The following SIPA1 variants were observed in gnomAD, a reference collection of about 807,000 sequenced individuals.
SIPA1 encodes the protein signal-induced proliferation-associated protein 1.
SIPA1 carries 51 observed loss-of-function variants against 88.1 expected under a neutral mutation model. The observed-to-expected ratio is 0.58, with a 90% confidence interval of 0.46 to 0.73. The LOEUF is 0.73. Ranked by LOEUF, SIPA1 falls within the 30% of genes least tolerant of loss-of-function variation. The pLI is 0.00. For missense variants in SIPA1, 1,348 were observed against 1,467.6 expected (o/e 0.92, Z 1.33); for synonymous variants, 681 against 664.8 (o/e 1.02, Z -0.37).
chr11:65,645,241 C>T (rs1330634186), intron 5 of SIPA1, 112 bp downstream of exon 5: 1 of 1,096,460 alleles, frequency 9.1e-7, no homozygotes, highest in South Asian at 1.5e-5. Context: ...CTGGAGAGTT[C>T]TTTGGGTGAG....
rs1856075629 is a variant in SIPA1 at position 65,644,824 on chromosome 11, C to T, written c.985-131C>T. On this transcript the variant is annotated intron_variant, in intron 4 of 15. Coordinates refer to ENST00000534313, the MANE Select transcript of SIPA1 (RefSeq NM_006747.4). ...AGCACAACAGACTGTACTCACCTGA[C>T]AGGCAAGGGCACAAGTGGCTCAGAG... is the stretch of plus-strand genomic sequence containing the variant. The T allele has an allele frequency of 4.6e-6, 4 of 872,340 alleles. No individual in the cohort carries two copies. In the Admixed American group the frequency reaches 9.8e-5, roughly 21 times the overall value. 54.0% of individuals were successfully genotyped at this position (872,340 alleles called of 1,614,324 possible). A position where few individuals can be genotyped will look rare whatever the true frequency, so the allele number is the denominator to read the frequency against.
In SIPA1 at chr11:65,645,694, C is replaced by G. The variant is rs895116429; in HGVS notation, c.1160-160C>G. 8 of 570,684 alleles carry G rather than the reference C, an allele frequency of 1.4e-5. No individual in the cohort carries two copies. In the East Asian group the frequency reaches 2.3e-4, roughly 16 times the overall value. The allele number at this position is 570,684 out of a possible 1,614,324, so 35.4% of individuals were successfully genotyped here. ...GGAGGAGGGGCACCCAGGGCTGAGG[C>G]CCTTGAATCTCGCTGGCTGGGCATT... On this transcript the variant is annotated intron_variant, in intron 5 of 15. Transcript: ENST00000534313.
chr11:65,643,881 T>C (rs1411479245), intron 4 of SIPA1, among the ~76,000 whole-genome samples: 2 of 151,966 alleles, frequency 1.3e-5, no homozygotes, highest in African/African-American at 4.8e-5. Context: ...AGGGATACGG[T>C]GCAGATCTGA....
rs1856129192 is a variant in SIPA1, at chr11:65,646,802, G to T, written c.1768G>T (p.Gly590Trp). Residue 590 changes from glycine to tryptophan, a missense_variant, in exon 8 of 16, where the codon GGG becomes TGG. Gly to Trp is a radical substitution (Grantham distance 184, BLOSUM62 -2). Around this residue, in one of 4 missense-constraint regions of SIPA1, gnomAD observed 68 missense variants for 59.0 expected, o/e 1.15. Transcript: ENST00000534313. This position sits in a 1 kb window ranked among gnomAD's most constrained non-coding sequence, Gnocchi z 7.5. ...SLVWGVRAAP[G>W]ARVAAGAQAS... ...GGTGTGGGGAGTGCGCGCGGCGCCC[G>T]GGGCGCGGGTCGCCGCCGGGGCTCA... 2 of 1,285,836 alleles carry T rather than the reference G, an allele frequency of 1.6e-6. No homozygotes were observed. The highest frequency in any genetic ancestry group is 4.3e-5 in the Admixed American group (1 of 23,180). 79.7% of individuals were successfully genotyped at this position (1,285,836 alleles called of 1,614,324 possible). A position where few individuals can be genotyped will look rare whatever the true frequency, so the allele number is the denominator to read the frequency against.
chr11:65,641,567 G>T lies in SIPA1; in HGVS notation c.646G>T (p.Ala216Ser), dbSNP rs149063652. The change falls in exon 2 of 16, where the codon GCT becomes TCT. Residue 216 changes from alanine (A) to serine (S), a missense_variant. By Grantham distance (99) the Ala-to-Ser change is moderately conservative. Transcript: ENST00000534313. The part of the protein sequence containing the change: ...AYSLEHADLG[A>S]GYYRKYFYGK... ...CAGCCTGGAGCACGCAGACCTGGGT[G>T]CTGGCTACTACCGCAAATACTTCTA... is the stretch of plus-strand genomic sequence containing the variant. The T allele has an allele frequency of 3.8e-5, 62 of 1,611,390 alleles. No homozygotes were observed. The African/African-American group carries it at 7.5e-4, about 19-fold the overall frequency.
chr11:65,642,580 C>T lies in SIPA1; in HGVS notation c.925C>T (p.Arg309Cys). ...VAPQLSPSCL[R>C]LGSASPKVPR... The stretch of plus-strand genomic sequence containing the variant: ...GCCGCAGCTGAGCCCCAGCTGCCTG[C>T]GCCTGGGCTCAGCTTCACCCAAGGT... The change falls in exon 4 of 16, where the codon CGC (arginine) becomes TGC (cysteine). Residue 309 changes from arginine to cysteine, a missense_variant. Transcript: ENST00000534313. The surrounding 1 kb of genome is among the most constrained non-coding windows in gnomAD (Gnocchi z 6.5). 6.3e-7 allele frequency: 1 copy of T among 1,597,440 alleles called. No homozygotes were observed. The highest frequency in any genetic ancestry group is 8.5e-7 in the Non-Finnish European group (1 of 1,176,906).
chr11:65,641,110 C>T lies in SIPA1; in HGVS notation c.189C>T (p.Pro63=). The T allele has an allele frequency of 6.2e-7, 1 of 1,601,188 alleles. No homozygotes were observed. The highest frequency in any genetic ancestry group is 8.5e-7 in the Non-Finnish European group (1 of 1,178,732). Residue 63 remains proline, a synonymous_variant, in exon 2 of 16, where the codon CCC becomes CCT. Coordinates refer to ENST00000534313, the MANE Select transcript of SIPA1 (RefSeq NM_006747.4). ...GCGATGCAGGCGAGGCCAGGCCCCCCACGCCAGCCAGCCCCCGTGCCCGTG... is the reference window on the plus strand; with the variant it reads ...GCGATGCAGGCGAGGCCAGGCCCCCTACGCCAGCCAGCCCCCGTGCCCGTG... The part of the protein sequence containing the change: ...SGSDAGEARP[P]TPASPRARAH...
chr11:65,643,417 T>G (rs1310978782), intron 4 of SIPA1, among the ~76,000 whole-genome samples: 1 of 152,174 alleles, frequency 6.6e-6, no homozygotes, highest in East Asian at 1.9e-4. Flanking sequence ...ATTGGCTGAG[T>G]CTTCTCCTCT....
chr11:65,642,175 G>A lies in SIPA1; in HGVS notation c.680-75G>A. 12 of 1,525,072 alleles carry A rather than the reference G, an allele frequency of 7.9e-6. No individual in the cohort carries two copies. The South Asian group carries it at 1.5e-4, about 19-fold the overall frequency. The allele number at this position is 1,525,072 out of a possible 1,614,324, so 94.5% of individuals were successfully genotyped here. A position where few individuals can be genotyped will look rare whatever the true frequency, so the allele number is the denominator to read the frequency against. On this transcript the variant is annotated intron_variant, in intron 2 of 15. Transcript: ENST00000534313. The surrounding 1 kb of genome is among the most constrained non-coding windows in gnomAD (Gnocchi z 6.5). ...GAGATGAAGCCTAGGGCGGGGCTTA[G>A]TGATGCGCGTGGTCGAGCGGGGGCG...
intron 1 of SIPA1, chr11:65,639,834 C>G (rs1192752752): frequency 6.6e-6 from 1 of 152,340 alleles, no homozygotes; most frequent in East Asian, 1.9e-4. Context: ...ACACCCACCC[C>G]CCAAAACCTA....
chr11:65,647,219 G>A, intron 8 of SIPA1, 154 bp downstream of exon 8: 1 of 1,394,500 alleles, frequency 7.2e-7, no homozygotes, highest in Non-Finnish European at 9.3e-7. Flanking sequence ...CGGAACTGGT[G>A]CCCTCGGGTA....
rs766064820 is a variant in SIPA1, at chr11:65,646,679, C to T, written c.1645C>T (p.Leu549=). ...LATNEVTTTS[L]DSASRFGLPS... Reference sequence around the variant, plus strand: ...CACCAACGAGGTGACCACTACGTCGCTGGACTCGGCTTCACGCTTCGGCCT... The same window carrying T: ...CACCAACGAGGTGACCACTACGTCGTTGGACTCGGCTTCACGCTTCGGCCT... The change falls in exon 8 of 16, where the codon CTG becomes TTG. Residue 549 remains leucine, a synonymous_variant. Coordinates refer to ENST00000534313, the MANE Select transcript of SIPA1 (RefSeq NM_006747.4). The surrounding 1 kb of genome is among the most constrained non-coding windows in gnomAD (Gnocchi z 7.5). 57 of 1,543,782 alleles carry T rather than the reference C, an allele frequency of 3.7e-5. No individual in the cohort carries two copies. The highest frequency in any genetic ancestry group is 5.9e-5 in the Admixed American group (3 of 51,258).
chr11:65,641,611 G>A lies in SIPA1; in HGVS notation c.679+11G>A. 1 of 1,596,356 alleles carries A rather than the reference G, an allele frequency of 6.3e-7. No homozygotes were observed. Among genetic ancestry groups the A allele is most frequent in the Non-Finnish European group, 8.5e-7 (1 of 1,171,394 alleles). ...ACTTCTATGGCAAAGGTGAGGAAAG[G>A]CAGTTCCAGGGAGTGGAGGAGGGGG... On this transcript the variant is annotated intron_variant, in intron 2 of 15. Coordinates refer to ENST00000534313, the MANE Select transcript of SIPA1 (RefSeq NM_006747.4).
At chr11:65,643,389 C>A (rs951364797) in intron 4 of SIPA1, among the ~76,000 whole-genome samples, 4 of 152,240 alleles carry the variant, frequency 2.6e-5, no homozygotes, top group African/African-American at 9.6e-5. Context: ...ATCCCCCACT[C>A]CATGCTGAAA....
intron 5 of SIPA1, 139 bp from the exon 6 acceptor site, chr11:65,645,715 G>C: frequency 1.7e-6 from 1 of 587,920 alleles, no homozygotes; most frequent in East Asian, 2.9e-5. Context: ...CGCTGGCTGG[G>C]CATTGGCTGG....
chr11:65,640,950 G>C lies in SIPA1; in HGVS notation c.29G>C (p.Ser10Thr). Reference sequence around the variant, plus strand: ...CCCATGTGGGCCGGCGGTGTGGGGAGCCCTCGGCGGGGCATGGCCCCTGCG... The same window carrying C: ...CCCATGTGGGCCGGCGGTGTGGGGACCCCTCGGCGGGGCATGGCCCCTGCG... MPMWAGGVG[S>T]PRRGMAPAST... Residue 10 changes from serine to threonine, a missense_variant, in exon 2 of 16, where the codon AGC becomes ACC. Transcript: ENST00000534313. 3 of 1,543,790 alleles carry C rather than the reference G, an allele frequency of 1.9e-6. No homozygotes were observed. The highest frequency in any genetic ancestry group is 2.6e-6 in the Non-Finnish European group (3 of 1,153,884).
Position 65,649,465 on chromosome 11 carries a change from C to G in SIPA1, c.2510C>G (p.Ser837Trp), listed in dbSNP as rs149695564. ...ERTEFLHSQN[S>W]LSPRSSLSDE... ...ACTGAGTTCCTGCACAGCCAGAACT[C>G]GCTGTCACCACGCAGGTGCACACTC... Residue 837 changes from serine to tryptophan, a missense_variant, in exon 10 of 16, where the codon TCG (serine) becomes TGG (tryptophan). This residue lies in a region of SIPA1 where 615 missense variants were observed against 559.8 expected (regional missense o/e 1.10). Coordinates refer to ENST00000534313, the MANE Select transcript of SIPA1 (RefSeq NM_006747.4). 6.2e-7 allele frequency: 1 copy of G among 1,612,582 alleles called. No homozygotes were observed. Among genetic ancestry groups the G allele is most frequent in the Non-Finnish European group, 8.5e-7 (1 of 1,179,298 alleles).
At chr11:65,648,139 C>G (rs186756709) in intron 9 of SIPA1, among the ~76,000 whole-genome samples, 136 of 152,304 alleles carry the variant, frequency 8.9e-4, no homozygotes, top group African/African-American at 3.1e-3. Context: ...TCCCAAAGTT[C>G]TGGGATTACA....
chr11:65,650,300 T>G, intron 14 of SIPA1, 101 bp from the exon 15 acceptor site: 3 of 1,536,270 alleles, frequency 2.0e-6, no homozygotes, highest in Non-Finnish European at 2.7e-6. Context: ...CACATATGCC[T>G]AGAAGACCAG....
Sources: allele counts gnomAD v4.1 joint callset (sites outside exome capture counted in the v4.1 genomes callset), GRCh38; gene constraint gnomAD v4.1.1; regional missense constraint gnomAD v4.1.1; non-coding constraint Gnocchi (gnomAD v3.1); transcripts MANE v1.5; gene names NCBI Gene and HGNC (gene_info 2026-07-23, HGNC 2026-07-21).